Variants in CATSPERT observed in about 807,000 individuals in gnomAD.
The protein encoded by CATSPERT is cation channel sperm-associated targeting subunit tau.
At chr2:201,500,003 C>G in the CATSPERT span, among the ~76,000 whole-genome samples, 1 of 151,670 alleles carries the variant, frequency 6.6e-6, no homozygotes, top group South Asian at 2.1e-4. Context: ...TAAGTAGTCT[C>G]TTGATTCCTG....
the CATSPERT span, among the ~76,000 whole-genome samples, chr2:201,563,029 G>C: frequency 1.4e-5 from 2 of 146,802 alleles, no homozygotes; most frequent in Non-Finnish European, 3.0e-5. Context: ...TGAGCTGTTG[G>C]GCACACCTCC....
At chr2:201,497,203 C>G in the CATSPERT span, among the ~76,000 whole-genome samples, 1 of 152,216 alleles carries the variant, frequency 6.6e-6, no homozygotes, top group African/African-American at 2.4e-5. Context: ...CTTAAAGCCT[C>G]AATGGCTTCC....
chr2:201,599,116 C>G, the CATSPERT span, among the ~76,000 whole-genome samples: 1 of 152,130 alleles, frequency 6.6e-6, no homozygotes, highest in Admixed American at 6.5e-5. Context: ...TCCCCTGTGG[C>G]CCTCAGTGGT....
chr2:201,590,829 G>A, the CATSPERT span, among the ~76,000 whole-genome samples: 5 of 151,262 alleles, frequency 3.3e-5, no homozygotes, highest in African/African-American at 7.3e-5. Flanking sequence ...TTTTTGATGG[G>A]GTTGTTTTTT....
chr2:201,565,067 A>G, the CATSPERT span, among the ~76,000 whole-genome samples: 1 of 151,668 alleles, frequency 6.6e-6, no homozygotes, highest in African/African-American at 2.4e-5. Context: ...GAAAATACCC[A>G]GACTGAAGCA....
the CATSPERT span, chr2:201,618,821 C>G: frequency 7.5e-7 from 1 of 1,342,264 alleles, no homozygotes; most frequent in Non-Finnish European, 1.0e-6. Flanking sequence ...CACATTGAAC[C>G]CTTTAATCCT....
chr2:201,589,295 C>G, the CATSPERT span, among the ~76,000 whole-genome samples: 1 of 152,076 alleles, frequency 6.6e-6, no homozygotes, highest in Non-Finnish European at 1.5e-5. Flanking sequence ...CCCAAATAAC[C>G]AAAGCAATCC....
At chr2:201,543,647 G>A in the CATSPERT span, among the ~76,000 whole-genome samples, 2 of 151,778 alleles carry the variant, frequency 1.3e-5, no homozygotes, top group South Asian at 4.2e-4. Flanking sequence ...TTTCTTTTTT[G>A]GATAGTTCAT....
chr2:201,516,914 T>C, the CATSPERT span, among the ~76,000 whole-genome samples: 2 of 142,674 alleles, frequency 1.4e-5, no homozygotes, highest in African/African-American at 2.5e-5. Flanking sequence ...GGGATAAAGC[T>C]GGAGTAATAG....
the CATSPERT span, among the ~76,000 whole-genome samples, chr2:201,614,864 G>A: frequency 6.6e-6 from 1 of 152,112 alleles, no homozygotes; most frequent in Admixed American, 6.5e-5. Context: ...GATAGAGGAG[G>A]ATCTACCAAG....
the CATSPERT span, chr2:201,554,621 C>T: frequency 6.6e-6 from 1 of 152,080 alleles, no homozygotes; most frequent in Admixed American, 6.5e-5. Context: ...ATAATTATAG[C>T]AAGTTAACAT....
chr2:201,545,547 T>C, the CATSPERT span: 1 of 1,427,730 alleles, frequency 7.0e-7, no homozygotes, highest in Non-Finnish European at 9.3e-7. Flanking sequence ...TCTTACCTAC[T>C]CCTACAATAT....
the CATSPERT span, chr2:201,487,706 C>T: frequency 8.1e-6 from 13 of 1,613,990 alleles, no homozygotes; most frequent in African/African-American, 1.5e-4. Context: ...TGAAACCATT[C>T]GACGACTTGT....
At chr2:201,520,857 C>T in the CATSPERT span, among the ~76,000 whole-genome samples, 47 of 149,590 alleles carry the variant, frequency 3.1e-4, no homozygotes, top group Non-Finnish European at 5.3e-4. Context: ...CCACTGCACT[C>T]CAGTCTGGGC....
the CATSPERT span, among the ~76,000 whole-genome samples, chr2:201,567,244 C>T: frequency 6.6e-6 from 1 of 152,196 alleles, no homozygotes; most frequent in Non-Finnish European, 1.5e-5. Flanking sequence ...CTCCTTTCCC[C>T]TTCTGTCATC....
At chr2:201,515,999 T>C in the CATSPERT span, among the ~76,000 whole-genome samples, 1 of 152,236 alleles carries the variant, frequency 6.6e-6, no homozygotes, top group Non-Finnish European at 1.5e-5. Flanking sequence ...AAACGTGTTA[T>C]CAGATGATTT....
At chr2:201,615,595 G>C in the CATSPERT span, among the ~76,000 whole-genome samples, 1 of 152,156 alleles carries the variant, frequency 6.6e-6, no homozygotes, top group East Asian at 1.9e-4. Flanking sequence ...ATGCCCACAA[G>C]AGAAAGCAGG....
the CATSPERT span, among the ~76,000 whole-genome samples, chr2:201,540,176 G>A: frequency 1.3e-5 from 2 of 152,180 alleles, no homozygotes; most frequent in African/African-American, 2.4e-5. Flanking sequence ...GGTTCGTGAG[G>A]TTTAAGGAAA....
chr2:201,529,904 A>G, the CATSPERT span, among the ~76,000 whole-genome samples: 1 of 152,182 alleles, frequency 6.6e-6, no homozygotes, highest in Non-Finnish European at 1.5e-5. Flanking sequence ...AAACAACCCA[A>G]AAGCAAGAAA....
Sources: gnomAD v4.1 joint callset for allele counts (sites outside exome capture counted in the v4.1 genomes callset) on GRCh38, gnomAD v4.1.1 for gene constraint, MANE v1.5 for transcripts, NCBI Gene and HGNC (gene_info 2026-07-23, HGNC 2026-07-21) for gene names.